The following SLC23A1 variants were observed in gnomAD, a reference collection of about 807,000 sequenced individuals.
SLC23A1 encodes solute carrier family 23 member 1.
In SLC23A1, 31 loss-of-function variants were observed where a neutral mutation model predicts 62.5. That is an observed-to-expected ratio of 0.50 (90% confidence interval 0.37 to 0.67). The LOEUF (loss-of-function observed/expected upper bound fraction) is 0.67, where lower values mean the gene tolerates loss of function less well. Among genes scored for constraint, SLC23A1 ranks in the 30% least tolerant of loss-of-function variants. The pLI, the probability that SLC23A1 is intolerant of heterozygous loss-of-function variation, is 0.00. For missense variants in SLC23A1, 640 were observed against 782.7 expected (o/e 0.82, Z 2.18); for synonymous variants, 271 against 313.2 (o/e 0.87, Z 1.42).
intron 14 of SLC23A1, among the ~76,000 whole-genome samples, chr5:139,370,596 T>C (rs6874871): frequency 0.99 from 150,896 of 151,856 alleles, 74,976 homozygotes; most frequent in Middle Eastern, 1. Flanking sequence ...TGGGCTCAAG[T>C]GATTCTCCTG....
intron 13 of SLC23A1, among the ~76,000 whole-genome samples, chr5:139,373,169 G>GT (rs1446793990): frequency 3.2e-4 from 48 of 151,134 alleles, no homozygotes; most frequent in African/African-American, 6.1e-4. Flanking sequence ...TTTGTGTTGT[G>GT]TTTTTTTTGT....
intron 13 of SLC23A1, among the ~76,000 whole-genome samples, chr5:139,373,115 AAAT>A (rs1757766483): frequency 6.6e-6 from 1 of 151,930 alleles, no homozygotes; most frequent in Non-Finnish European, 1.5e-5. Flanking sequence ...AAGTCAAGCT[AAAT>A]AAAATCTTTG....
intron 14 of SLC23A1, among the ~76,000 whole-genome samples, chr5:139,368,055 G>T (rs1278335988): frequency 6.6e-6 from 1 of 152,016 alleles, no homozygotes; most frequent in Non-Finnish European, 1.5e-5. Context: ...GAAAAATTAG[G>T]CCGGGCGCGG....
At chr5:139,383,816 A>G (rs549606210), upstream of SLC23A1, among the ~76,000 whole-genome samples, 2 of 152,354 alleles carry the variant, frequency 1.3e-5, no homozygotes, top group South Asian at 4.1e-4. Flanking sequence ...GATTTGACCC[A>G]AGCCATGCAG....
chr5:139,373,151 T>A (rs1757768313), intron 13 of SLC23A1, among the ~76,000 whole-genome samples: 1 of 102,466 alleles, frequency 9.8e-6, no homozygotes. Flanking sequence ...CACCAAATAA[T>A]TTGTTTTTTT....
At chr5:139,384,575 C>A (rs955706061), upstream of SLC23A1, 8 of 1,281,546 alleles carry the variant, frequency 6.2e-6, no homozygotes, top group African/African-American at 1.2e-4. Context: ...AACTCCCCAG[C>A]ACTTTTCTCT....
rs1376493860 is a variant in SLC23A1, at chr5:139,377,439, G to A, written c.1512C>T (p.Gly504=). The stretch of plus-strand genomic sequence containing the variant: ...TGTCAAGTATGAAAGCAAGGCACCC[G>A]CCCACAAACATCTCCGTGGTCAGCA... ...IVLLTTEMFV[G]GCLAFILDNT... is the part of the protein sequence containing the mutation. Residue 504 remains glycine (G), a synonymous_variant, in exon 13 of 15, where the codon GGC becomes GGT. Coordinates refer to ENST00000348729, the MANE Select transcript of SLC23A1 (RefSeq NM_005847.5). The A allele has an allele frequency of 1.9e-6, 3 of 1,610,670 alleles. No homozygotes were observed. The highest frequency in any genetic ancestry group is 1.1e-5 in the South Asian group (1 of 91,012).
Position 139,380,602 on chromosome 5 carries a change from A to G in SLC23A1, c.428T>C (p.Leu143Pro). ...TGGGTGCCAAATATGAGAGGTGTTCAGGGGCAGACTCCAGTTACCGTAGAT... is the reference window on the plus strand; with the variant it reads ...TGGGTGCCAAATATGAGAGGTGTTCGGGGGCAGACTCCAGTTACCGTAGAT... ...EEIYGNWSLP[L>P]NTSHIWHPRI... The change falls in exon 5 of 15, where the codon CTG (leucine) becomes CCG (proline). Residue 143 changes from leucine to proline, a missense_variant. Transcript: ENST00000348729. 1 of 1,614,040 alleles carries G rather than the reference A, an allele frequency of 6.2e-7. No individual in the cohort carries two copies. The highest frequency in any genetic ancestry group is 1.1e-5 in the South Asian group (1 of 91,084).
At chr5:139,381,575 C>T (rs1033825438) in intron 3 of SLC23A1, among the ~76,000 whole-genome samples, 9 of 142,790 alleles carry the variant, frequency 6.3e-5, no homozygotes, top group Admixed American at 1.5e-4. Context: ...ATCACGCCAC[C>T]GCAATCCAGC....
At chr5:139,384,039 G>A (rs1314194757), upstream of SLC23A1, among the ~76,000 whole-genome samples, 2 of 152,224 alleles carry the variant, frequency 1.3e-5, no homozygotes, top group African/African-American at 4.8e-5. Flanking sequence ...CCAGTGCAAA[G>A]TAAGAATGTG....
chr5:139,379,138 C>A lies in SLC23A1; in HGVS notation c.1073+69G>T. 6.4e-7 allele frequency: 1 copy of A among 1,550,874 alleles called. No individual in the cohort carries two copies. Among genetic ancestry groups the A allele is most frequent in the Non-Finnish European group, 8.9e-7 (1 of 1,128,540 alleles). ...CTAAGCCTACCCCCTGGGCCTCCAC[C>A]CCGTTCCTGTGTGTGCTTCCTGGGT... On this transcript the variant is annotated intron_variant, in intron 9 of 14. Coordinates refer to ENST00000348729, the MANE Select transcript of SLC23A1 (RefSeq NM_005847.5). This position sits in a 1 kb window ranked among gnomAD's most constrained non-coding sequence, Gnocchi z 4.7.
At chr5:139,372,332 C>G (rs1647808926) in intron 13 of SLC23A1, 79 bp from the exon 14 acceptor site, 2 of 1,339,572 alleles carry the variant, frequency 1.5e-6, no homozygotes, top group African/African-American at 1.5e-5. Context: ...AGTCCTAAGG[C>G]AGACTTCTGG....
chr5:139,384,350 C>T, upstream of SLC23A1: 3 of 1,282,552 alleles, frequency 2.3e-6, no homozygotes, highest in Non-Finnish European at 2.0e-6. Flanking sequence ...ACTCTAGAGC[C>T]CACCTACTTC....
chr5:139,381,614 CAAAAAAA>C (rs904456829), intron 3 of SLC23A1, among the ~76,000 whole-genome samples: 52 of 55,716 alleles, frequency 9.3e-4, no homozygotes, highest in African/African-American at 3.8e-3. Flanking sequence ...ACTCCGTCTC[CAAAAAAA>C]AAAAAAAAAA....
intron 1 of SLC23A1, among the ~76,000 whole-genome samples, chr5:139,383,015 C>A (rs1351195449): frequency 1.3e-5 from 2 of 152,188 alleles, no homozygotes; most frequent in Admixed American, 6.5e-5. Flanking sequence ...GAACCCCAAC[C>A]TGGAGTCAGC....
At chr5:139,385,378 C>G (rs570563946), upstream of SLC23A1, among the ~76,000 whole-genome samples, 24 of 152,160 alleles carry the variant, frequency 1.6e-4, no homozygotes, top group Admixed American at 1.0e-3. Context: ...GACTGAGAAC[C>G]AAAATGTTGA....
chr5:139,368,616 C>A, intron 14 of SLC23A1: 1 of 702,636 alleles, frequency 1.4e-6, no homozygotes, highest in Non-Finnish European at 2.5e-6. Flanking sequence ...TATAGTCTTA[C>A]AGACTGAGTT....
At chr5:139,384,460 C>T (rs575278271), upstream of SLC23A1, 789 of 1,289,818 alleles carry the variant, frequency 6.1e-4, no homozygotes, top group Non-Finnish European at 7.5e-4. Context: ...TGAGTCCGCC[C>T]GCCTGCCGGT....
At chr5:139,375,456 A>G (rs553391057) in intron 13 of SLC23A1, among the ~76,000 whole-genome samples, 2 of 152,340 alleles carry the variant, frequency 1.3e-5, no homozygotes, top group East Asian at 1.9e-4. Flanking sequence ...GCTTGAGTCC[A>G]GGAGTTTGAG....
Sources: allele counts gnomAD v4.1 joint callset (sites outside exome capture counted in the v4.1 genomes callset), GRCh38; gene constraint gnomAD v4.1.1; non-coding constraint Gnocchi (gnomAD v3.1); transcripts MANE v1.5; gene names NCBI Gene and HGNC (gene_info 2026-07-23, HGNC 2026-07-21).